Variants in KDM4C observed in about 807,000 individuals in gnomAD.
KDM4C encodes lysine demethylase 4C.
In KDM4C, 81 loss-of-function variants were observed where a neutral mutation model predicts 129.3. That is an observed-to-expected ratio of 0.63 (90% CI 0.52 to 0.75). The LOEUF (loss-of-function observed/expected upper bound fraction) is 0.75, where lower values mean the gene tolerates loss of function less well. Among genes scored for constraint, KDM4C ranks in the 30% least tolerant of loss-of-function variants. The pLI, the probability that KDM4C is intolerant of heterozygous loss-of-function variation, is 0.00. For synonymous variants in KDM4C, 573 were observed against 456.1 expected, an observed-to-expected ratio of 1.26 and a Z score of -3.26; for missense variants, 1,457 against 1,304.0, an observed-to-expected ratio of 1.12 and a Z score of -1.81.
At chr9:7,073,207 A>G (rs985833247) in intron 17 of KDM4C, among the ~76,000 whole-genome samples, 1 of 152,218 alleles carries the variant, frequency 6.6e-6, no homozygotes, top group Admixed American at 6.5e-5. Flanking sequence ...TTCCGATCTA[A>G]CATAGCTATT....
rs561628120 is a variant in KDM4C, at chr9:6,918,510, A to G, written c.921+25278A>G. ...GTGCATGTGTCTTTTTGGTAGAATCATTTCTTTTCTTTTGGGTATATACCC... is the reference window on the plus strand; with the variant it reads ...GTGCATGTGTCTTTTTGGTAGAATCGTTTCTTTTCTTTTGGGTATATACCC... On this transcript the variant is annotated intron_variant, in intron 8 of 21. Transcript: ENST00000381309. Among the ~76,000 whole-genome samples the G allele has an allele frequency of 1.5e-3, 235 of 152,204 alleles. 2 individuals carry two copies. Among genetic ancestry groups the G allele is most frequent in the African/African-American group, 5.0e-3 (208 of 41,528 alleles).
At chr9:7,132,587 C>T (rs1386135232) in intron 19 of KDM4C, among the ~76,000 whole-genome samples, 1 of 152,224 alleles carries the variant, frequency 6.6e-6, no homozygotes, top group African/African-American at 2.4e-5. Flanking sequence ...TTATTACACA[C>T]CTCCATCTGT....
intron 19 of KDM4C, among the ~76,000 whole-genome samples, chr9:7,131,420 T>C (rs890612500): frequency 2.0e-5 from 3 of 152,200 alleles, no homozygotes; most frequent in Admixed American, 1.3e-4. Context: ...GCGGAACCAA[T>C]AGGAGATACA....
intron 15 of KDM4C, among the ~76,000 whole-genome samples, chr9:7,030,230 C>A (rs945390089): frequency 6.6e-6 from 1 of 152,064 alleles, no homozygotes; most frequent in Non-Finnish European, 1.5e-5. Flanking sequence ...TTACTCATTG[C>A]ATTTTTTAAC....
chr9:7,033,846 C>A (rs981644768), intron 15 of KDM4C, among the ~76,000 whole-genome samples: 1 of 152,156 alleles, frequency 6.6e-6, no homozygotes, highest in Non-Finnish European at 1.5e-5. Context: ...ACATACTGTA[C>A]TACACACCAG....
At chr9:7,110,899 C>T (rs935404804) in intron 18 of KDM4C, among the ~76,000 whole-genome samples, 1 of 152,116 alleles carries the variant, frequency 6.6e-6, no homozygotes, top group Non-Finnish European at 1.5e-5. Context: ...CTTTCTTATC[C>T]CAGCACTTGT....
At chr9:7,080,006 A>T (rs985718287) in intron 17 of KDM4C, among the ~76,000 whole-genome samples, 2 of 151,970 alleles carry the variant, frequency 1.3e-5, no homozygotes, top group African/African-American at 4.8e-5. Context: ...TCAAAAGAGC[A>T]AAGTAGAGAT....
intron 4 of KDM4C, among the ~76,000 whole-genome samples, chr9:6,831,441 C>CA (rs1834805435): frequency 6.6e-6 from 1 of 152,186 alleles, no homozygotes; most frequent in South Asian, 2.1e-4. Context: ...CTCCCTGGAT[C>CA]AAGTAATTCT....
intron 14 of KDM4C, 199 bp downstream of exon 14, chr9:7,014,200 C>T: frequency 1.9e-6 from 1 of 516,708 alleles, no homozygotes; most frequent in South Asian, 3.1e-5. Flanking sequence ...CATGTAGTAT[C>T]CGTGGAGAGC....
At chr9:6,794,877 G>C (rs957162883) in intron 2 of KDM4C, among the ~76,000 whole-genome samples, 3 of 152,150 alleles carry the variant, frequency 2.0e-5, no homozygotes, top group Admixed American at 2.0e-4. Context: ...TTGAAAGAGA[G>C]ATCCACTATA....
intron 17 of KDM4C, among the ~76,000 whole-genome samples, chr9:7,081,744 C>A (rs1460399981): frequency 6.6e-6 from 1 of 152,142 alleles, no homozygotes; most frequent in South Asian, 2.1e-4. Flanking sequence ...TTGATGAATC[C>A]TTGGGATTTC....
At chr9:6,876,918 A>G (rs1397646753) in intron 5 of KDM4C, among the ~76,000 whole-genome samples, 1 of 152,218 alleles carries the variant, frequency 6.6e-6, no homozygotes, top group Non-Finnish European at 1.5e-5. Context: ...ACACAAATCT[A>G]TCATCCGACA....
At position 6,984,259 on chromosome 9, in the gene KDM4C, C is replaced by G. The variant is rs142335810; in HGVS notation, c.1209C>G (p.Pro403=). 6.2e-7 allele frequency: 1 copy of G among 1,613,950 alleles called. No individual in the cohort carries two copies. The change falls in exon 10 of 22, where the codon CCC becomes CCG. Residue 403 remains proline (P), a synonymous_variant. Transcript: ENST00000381309. ...DEVDGAEVPN[P]DSVTDDLKVS... ...TCGATGGGGCAGAGGTCCCTAACCC[C>G]GACTCAGTCACAGATGACCTCAAGG...
intron 15 of KDM4C, among the ~76,000 whole-genome samples, chr9:7,033,273 C>G (rs1827087859): frequency 6.6e-6 from 1 of 151,996 alleles, no homozygotes; most frequent in Non-Finnish European, 1.5e-5. Flanking sequence ...CGGTTCTTGT[C>G]AAAGGCAGGA....
chr9:7,097,691 C>T (rs900192944), intron 17 of KDM4C, among the ~76,000 whole-genome samples: 2 of 152,158 alleles, frequency 1.3e-5, no homozygotes, highest in African/African-American at 2.4e-5. Context: ...CCAGTCCAAT[C>T]GTCTCTTAAA....
intron 8 of KDM4C, among the ~76,000 whole-genome samples, chr9:6,962,726 G>C (rs1449989768): frequency 1.3e-5 from 2 of 152,044 alleles, no homozygotes; most frequent in African/African-American, 4.8e-5. Context: ...TAATTCAGCA[G>C]TTCTTCTGGG....
At chr9:7,042,258 C>G (rs1828726405) in intron 15 of KDM4C, among the ~76,000 whole-genome samples, 1 of 151,960 alleles carries the variant, frequency 6.6e-6, no homozygotes, top group Non-Finnish European at 1.5e-5. Flanking sequence ...TTATTTGAAC[C>G]TGGCCATCTG....
chr9:7,003,830 A>C (rs1053702183), intron 12 of KDM4C, among the ~76,000 whole-genome samples: 2 of 152,292 alleles, frequency 1.3e-5, no homozygotes, highest in African/African-American at 4.8e-5. Context: ...TTCATACATT[A>C]TTCAGTACAG....
chr9:7,086,594 C>A (rs889694188), intron 17 of KDM4C, among the ~76,000 whole-genome samples: 21 of 152,164 alleles, frequency 1.4e-4, no homozygotes. Flanking sequence ...CTGGGCACCA[C>A]CCTGTTCAGC....
Sources: allele counts gnomAD v4.1 joint callset (sites outside exome capture counted in the v4.1 genomes callset), GRCh38; gene constraint gnomAD v4.1.1; transcripts MANE v1.5; gene names NCBI Gene and HGNC (gene_info 2026-07-23, HGNC 2026-07-21).